The following KDM5B variants were observed in gnomAD, a reference collection of about 807,000 sequenced individuals.
The protein encoded by KDM5B is lysine demethylase 5B, also known as lysine-specific demethylase 5B.
In KDM5B, 144 loss-of-function variants were observed where a neutral mutation model predicts 193.4. The observed-to-expected ratio is 0.74, with a 90% confidence interval of 0.65 to 0.86. The LOEUF is 0.86. Among genes scored for constraint, KDM5B ranks in the 40% least tolerant of loss-of-function variants. The pLI is 0.00. For missense variants in KDM5B, 1,833 were observed against 1,886.9 expected (o/e 0.97, Z 0.53); for synonymous variants, 668 against 682.6 (o/e 0.98, Z 0.33).
At position 202,778,385 on chromosome 1, in the gene KDM5B, G is replaced by C. The variant is rs577783366; in HGVS notation, c.205-1291C>G. 7.2e-5 allele frequency among the ~76,000 whole-genome samples: 11 copies of C among 152,118 alleles called. No individual in the cohort carries two copies. The South Asian group carries it at 2.3e-3, about 32-fold the overall frequency. On this transcript the variant is annotated intron_variant, in intron 1 of 26. Transcript: ENST00000367265. ...TGTCTACAACAAGAGAACAGCTAAA[G>C]GTATAAAAATGTGTTAATAGGTTTC...
Position 202,771,555 on chromosome 1 carries a change from T to A in KDM5B, c.576+1563A>T, listed in dbSNP as rs1342030588. On this transcript the variant is annotated intron_variant, in intron 4 of 26. Coordinates refer to ENST00000367265, the MANE Select transcript of KDM5B (RefSeq NM_006618.5). ...TAGGCATGAGCCACCGCACCCAGCC[T>A]ATTTTTTATTTTTTTAAGTTTTTGT... Among the ~76,000 whole-genome samples the A allele has an allele frequency of 2.7e-5, 4 of 149,974 alleles. 1 individual carries two copies. Among genetic ancestry groups the A allele is most frequent in the Non-Finnish European group, 5.9e-5 (4 of 67,444 alleles).
chr1:202,750,893 T>C, intron 12 of KDM5B, 115 bp from the exon 13 acceptor site: 2 of 1,107,274 alleles, frequency 1.8e-6, no homozygotes, highest in Non-Finnish European at 2.6e-6. Context: ...TTTCTGAAAT[T>C]GAGCCAGAAA....
At chr1:202,769,043 T>C (rs912490035) in intron 4 of KDM5B, among the ~76,000 whole-genome samples, 18 of 145,752 alleles carry the variant, frequency 1.2e-4, no homozygotes, top group African/African-American at 4.0e-4. Context: ...TTTTTTTCTT[T>C]TTTTTTTTTT....
chr1:202,798,903 C>G (rs1242271562), intron 1 of KDM5B, among the ~76,000 whole-genome samples: 1 of 151,860 alleles, frequency 6.6e-6, no homozygotes, highest in Non-Finnish European at 1.5e-5. Context: ...ACCTGTGGTC[C>G]CAGCTATTCA....
In KDM5B at chr1:202,742,805, C is replaced by T; in HGVS notation, c.2324G>A (p.Ser775Asn). 1 of 1,611,478 alleles carries T rather than the reference C, an allele frequency of 6.2e-7. No individual in the cohort carries two copies. Among genetic ancestry groups the T allele is most frequent in the Non-Finnish European group, 8.5e-7 (1 of 1,179,132 alleles). The change falls in exon 17 of 27, where the codon AGC (serine) becomes AAC (asparagine). Residue 775 changes from serine (S) to asparagine (N), a missense_variant and splice_region_variant. Coordinates refer to ENST00000367265, the MANE Select transcript of KDM5B (RefSeq NM_006618.5). ...ALEAKINKKK[S>N]LVSFKALIEE... ...AATTAAAGCCTTGAAGCTGACAAGG[C>T]CTAGGAATGAAGAAAAAAGTCATAT...
intron 6 of KDM5B, 21 bp from the exon 7 acceptor site, chr1:202,762,829 T>C: frequency 7.5e-7 from 1 of 1,329,584 alleles, no homozygotes; most frequent in Non-Finnish European, 1.1e-6. Context: ...CAATCCAAAA[T>C]TAGCTCTTTA....
At chr1:202,786,142 G>A (rs1208188736) in intron 1 of KDM5B, among the ~76,000 whole-genome samples, 1 of 140,438 alleles carries the variant, frequency 7.1e-6, no homozygotes, top group Non-Finnish European at 1.5e-5. Flanking sequence ...TGGGAATACA[G>A]GTGCACACCA....
intron 16 of KDM5B, among the ~76,000 whole-genome samples, chr1:202,743,487 A>G (rs1407380877): frequency 6.6e-6 from 1 of 152,162 alleles, no homozygotes; most frequent in African/African-American, 2.4e-5. Flanking sequence ...GCAGTTAGTG[A>G]GTAACTAGTG....
intron 1 of KDM5B, among the ~76,000 whole-genome samples, chr1:202,779,978 A>T (rs1657135174): frequency 6.6e-6 from 1 of 152,112 alleles, no homozygotes; most frequent in Non-Finnish European, 1.5e-5. Context: ...ATTTATAAAG[A>T]GTTCATAACA....
chr1:202,732,412 A>G (rs1052073205), intron 23 of KDM5B, among the ~76,000 whole-genome samples: 4 of 152,224 alleles, frequency 2.6e-5, no homozygotes, highest in Non-Finnish European at 4.4e-5. Flanking sequence ...ATGAATTAAT[A>G]TAAGAGTTGT....
chr1:202,762,227 C>G (rs1258011117), intron 7 of KDM5B, among the ~76,000 whole-genome samples: 1 of 152,140 alleles, frequency 6.6e-6, no homozygotes. Context: ...TTCTCTACTT[C>G]CTTTTCATTC....
At position 202,761,423 on chromosome 1, in the gene KDM5B, T is replaced by A. The variant is rs531060650; in HGVS notation, c.919-850A>T. Among the ~76,000 whole-genome samples the A allele has an allele frequency of 2.6e-5, 4 of 152,244 alleles. No individual in the cohort carries two copies. The South Asian group carries it at 6.2e-4, about 24-fold the overall frequency. ...TGTGTCACTATACTCCAGCCATCTC[T>A]AAAAAAATAAAAATAAACTATCACT... On this transcript the variant is annotated intron_variant, in intron 7 of 26. Coordinates refer to ENST00000367265, the MANE Select transcript of KDM5B (RefSeq NM_006618.5).
chr1:202,764,677 A>G (rs914127046), intron 5 of KDM5B, among the ~76,000 whole-genome samples: 20 of 152,172 alleles, frequency 1.3e-4, no homozygotes, highest in African/African-American at 4.3e-4. Context: ...GGAAAAGTCA[A>G]AGGATCAAGA....
Position 202,736,226 on chromosome 1 carries a change from T to C in KDM5B, c.3251A>G (p.Tyr1084Cys), listed in dbSNP as rs1655088299. 1 of 1,582,598 alleles carries C rather than the reference T, an allele frequency of 6.3e-7. No homozygotes were observed. Among genetic ancestry groups the C allele is most frequent in the Non-Finnish European group, 8.6e-7 (1 of 1,162,650 alleles). ...TTGTAAACTTACCTCTAAGAGAGAA[T>C]ATGGAGAATTCTCAGTCAAGAATGT... ...VNTFLTENSP[Y>C]SLLEVLCPRC... The change falls in exon 21 of 27, where the codon TAT becomes TGT. Residue 1084 changes from tyrosine to cysteine, a missense_variant. Tyr to Cys is a radical substitution (Grantham distance 194). This residue lies in a region of KDM5B where 1,379 missense variants were observed against 1,349.6 expected (regional missense o/e 1.02). Transcript: ENST00000367265.
At chr1:202,733,296 A>G (rs958201279) in intron 23 of KDM5B, 105 bp downstream of exon 23, 3 of 1,299,838 alleles carry the variant, frequency 2.3e-6, no homozygotes, top group South Asian at 1.4e-5. Context: ...TGTTAACAGT[A>G]AAGTGATCAC....
In KDM5B at chr1:202,735,424, CA is replaced by C; in HGVS notation, c.3423+4del. The C allele has an allele frequency of 6.2e-7, 1 of 1,610,976 alleles. No homozygotes were observed. The highest frequency in any genetic ancestry group is 8.5e-7 in the Non-Finnish European group (1 of 1,178,910). ...TAGAAAGGAGAAGAAAAAAACCCTA[CA>C]TACAGCTGAAGCAGTCTCCTTGCTT... is the stretch of plus-strand genomic sequence containing the variant. On this transcript the variant is annotated splice_donor_region_variant and intron_variant, in intron 22 of 26. Transcript: ENST00000367265.
Position 202,808,098 on chromosome 1 carries a change from T to TCACCGGCGGCGGCCG in KDM5B, c.193_204+3dup. 1 of 1,609,908 alleles carries TCACCGGCGGCGGCCG rather than the reference T, an allele frequency of 6.2e-7. No homozygotes were observed. ...GCTGGATCCGGGGTGCTGGCGTGACTCACCGGCGGCGGCCGCACCTTACAG... is the reference window on the plus strand; with the variant it reads ...GCTGGATCCGGGGTGCTGGCGTGACTCACCGGCGGCGGCCGCACCGGCGGCGGCCGCACCTTACAG... On this transcript the variant is annotated splice_donor_region_variant and intron_variant, in intron 1 of 26. Coordinates refer to ENST00000367265, the MANE Select transcript of KDM5B (RefSeq NM_006618.5).
chr1:202,757,191 C>T (rs1656056517), intron 9 of KDM5B, among the ~76,000 whole-genome samples: 1 of 152,164 alleles, frequency 6.6e-6, no homozygotes, highest in African/African-American at 2.4e-5. Context: ...GACTCTAATG[C>T]AGCCACTGAT....
At position 202,733,837 on chromosome 1, in the gene KDM5B, G is replaced by C. The variant is rs749477196; in HGVS notation, c.3473C>G (p.Ser1158Cys). 2.5e-6 allele frequency: 4 copies of C among 1,614,050 alleles called. No individual in the cohort carries two copies. The highest frequency in any genetic ancestry group is 3.4e-6 in the Non-Finnish European group (4 of 1,179,962). The change falls in exon 23 of 27, where the codon TCT becomes TGT. Residue 1158 changes from serine to cysteine, a missense_variant. Physicochemically the swap from Ser to Cys is moderately radical, Grantham distance 112. This residue lies in a region of KDM5B where 1,379 missense variants were observed against 1,349.6 expected (regional missense o/e 1.02). Coordinates refer to ENST00000367265, the MANE Select transcript of KDM5B (RefSeq NM_006618.5). ...ARLREMEALQ[S>C]LRLANEGKLL... ...TTTCCCTTCATTGGCGAGTCTGAGA[G>C]ACTGCAAGGCTTCCATTTCCCTTAG...
Sources: gnomAD v4.1 joint callset for allele counts (sites outside exome capture counted in the v4.1 genomes callset) on GRCh38, gnomAD v4.1.1 for gene constraint, gnomAD v4.1.1 regional missense constraint, MANE v1.5 for transcripts, NCBI Gene and HGNC (gene_info 2026-07-23, HGNC 2026-07-21) for gene names.